Variants in BCAS3 observed in about 807,000 individuals in gnomAD.
The protein encoded by BCAS3 is BCAS4/BCAS3 fusion.
In BCAS3, 53 loss-of-function variants were observed where a neutral mutation model predicts 116.1. That is an observed-to-expected ratio of 0.46 (90% CI 0.37 to 0.57). The LOEUF (loss-of-function observed/expected upper bound fraction) is 0.57. Among genes scored for constraint, BCAS3 ranks in the 20% least tolerant of loss-of-function variants. The probability of loss-of-function intolerance (pLI) is 0.00; values close to 1 mark genes in which losing one functional copy is unlikely to be tolerated. For synonymous variants in BCAS3, 391 were observed against 408.2 expected, an observed-to-expected ratio of 0.96 and a Z score of 0.51; for missense variants, 917 against 1,165.4, an observed-to-expected ratio of 0.79 and a Z score of 3.10.
chr17:60,922,222 G>A (rs925778568), intron 12 of BCAS3, among the ~76,000 whole-genome samples: 12 of 152,110 alleles, frequency 7.9e-5, no homozygotes, highest in Admixed American at 2.6e-4. Flanking sequence ...CGCCTCCTGG[G>A]TTCAAGCAAT....
chr17:61,367,407 T>C lies in BCAS3; in HGVS notation c.2426-920T>C, dbSNP rs2058800731. The C allele has an allele frequency of 6.6e-6, 1 of 152,532 alleles. No individual in the cohort carries two copies. The highest frequency in any genetic ancestry group is 1.5e-5 in the Non-Finnish European group (1 of 68,044). 9.4% of individuals were successfully genotyped at this position (152,532 alleles called of 1,614,324 possible). A position where few individuals can be genotyped will look rare whatever the true frequency, so the allele number is the denominator to read the frequency against. ...AGTAGAATAATTCAAGTTCGGACTTTGAAGTGATCTCACATGTAAGATCTA... is the reference window on the plus strand; with the variant it reads ...AGTAGAATAATTCAAGTTCGGACTTCGAAGTGATCTCACATGTAAGATCTA... On this transcript the variant is annotated intron_variant, in intron 22 of 23. Transcript: ENST00000407086. The surrounding 1 kb of genome is among the most constrained non-coding windows in gnomAD (Gnocchi z 6.2).
chr17:61,099,079 G>T (rs368492802), intron 22 of BCAS3, among the ~76,000 whole-genome samples: 1 of 152,038 alleles, frequency 6.6e-6, no homozygotes, highest in Non-Finnish European at 1.5e-5. Context: ...AGCTGAGATC[G>T]CACCATTGCA....
chr17:60,812,220 C>A (rs1260322754), intron 7 of BCAS3, among the ~76,000 whole-genome samples: 1 of 152,162 alleles, frequency 6.6e-6, no homozygotes, highest in Non-Finnish European at 1.5e-5. Flanking sequence ...GAATACTTTT[C>A]TCTCTTAAAT....
At chr17:60,949,174 C>A in intron 14 of BCAS3, among the ~76,000 whole-genome samples, 1 of 152,128 alleles carries the variant, frequency 6.6e-6, no homozygotes, top group Non-Finnish European at 1.5e-5. Flanking sequence ...CGCGCCCAGC[C>A]TCACGGAAAT....
intron 12 of BCAS3, among the ~76,000 whole-genome samples, chr17:60,915,400 A>G (rs904321444): frequency 6.6e-6 from 1 of 152,074 alleles, no homozygotes; most frequent in African/African-American, 2.4e-5. Context: ...ATTTTATCCC[A>G]TGTATACATT....
intron 3 of BCAS3, among the ~76,000 whole-genome samples, chr17:60,686,324 A>G (rs1435339285): frequency 6.6e-6 from 1 of 152,066 alleles, no homozygotes; most frequent in Non-Finnish European, 1.5e-5. Flanking sequence ...CTCCTGCTCT[A>G]TTCTGGGAAT....
intron 20 of BCAS3, among the ~76,000 whole-genome samples, chr17:61,076,133 AT>A (rs1386393073): frequency 6.6e-6 from 1 of 152,182 alleles, no homozygotes; most frequent in Admixed American, 6.5e-5. Context: ...GAAATAAAAG[AT>A]ACTTGGGCAG....
chr17:61,083,641 G>A lies in BCAS3; in HGVS notation c.2328-826G>A, dbSNP rs1351599703. ...GACGGAGTCTTGCTCTGTCACCCAGGCTGGAGTGCAGTGGCACGATCTTGG... is the reference window on the plus strand; with the variant it reads ...GACGGAGTCTTGCTCTGTCACCCAGACTGGAGTGCAGTGGCACGATCTTGG... On this transcript the variant is annotated intron_variant, in intron 21 of 23. Transcript: ENST00000407086. This position sits in a 1 kb window ranked among gnomAD's most constrained non-coding sequence, Gnocchi z 4.9. Among the ~76,000 whole-genome samples the A allele has an allele frequency of 6.7e-6, 1 of 150,322 alleles. No homozygotes were observed. Among genetic ancestry groups the A allele is most frequent in the Non-Finnish European group, 1.5e-5 (1 of 67,756 alleles).
chr17:60,681,430 G>A (rs2033089696), intron 2 of BCAS3, among the ~76,000 whole-genome samples: 2 of 151,840 alleles, frequency 1.3e-5, no homozygotes, highest in Admixed American at 1.3e-4. Context: ...AACCCGGGAG[G>A]CGGAGGTTGC....
chr17:60,992,189 T>TACAC (rs576760115), intron 15 of BCAS3, among the ~76,000 whole-genome samples: 5,914 of 130,650 alleles, frequency 0.045, 149 homozygotes, highest in Non-Finnish European at 0.051. Context: ...TCCGATGACT[T>TACAC]ACACACACAC....
intron 16 of BCAS3, among the ~76,000 whole-genome samples, chr17:61,024,632 A>C (rs942936678): frequency 6.7e-6 from 1 of 148,676 alleles, no homozygotes; most frequent in Non-Finnish European, 1.5e-5. Flanking sequence ...CTGCCTGGAA[A>C]GGAAAATCTC....
chr17:61,014,325 C>G (rs1249386718), intron 15 of BCAS3, among the ~76,000 whole-genome samples: 1 of 151,978 alleles, frequency 6.6e-6, no homozygotes, highest in African/African-American at 2.4e-5. Flanking sequence ...ATAAGACTCA[C>G]TAGAAAACTA....
At chr17:61,058,089 T>A (rs2069576485) in intron 19 of BCAS3, among the ~76,000 whole-genome samples, 1 of 152,200 alleles carries the variant, frequency 6.6e-6, no homozygotes, top group Non-Finnish European at 1.5e-5. Context: ...TAAGCTCTTA[T>A]CATTACTGAG....
intron 9 of BCAS3, among the ~76,000 whole-genome samples, chr17:60,885,843 G>T (rs1453583335): frequency 4.1e-5 from 6 of 145,006 alleles, no homozygotes; most frequent in Admixed American, 1.3e-4. Flanking sequence ...TCCCTTTGAG[G>T]GTAACCCGAC....
At chr17:60,838,028 C>T (rs1036188101) in intron 7 of BCAS3, among the ~76,000 whole-genome samples, 1 of 151,800 alleles carries the variant, frequency 6.6e-6, no homozygotes, top group African/African-American at 2.4e-5. Flanking sequence ...TTATTTTTCC[C>T]ATGAAGGAAG....
In BCAS3 at chr17:60,956,800, A is replaced by T. The variant is rs1451168615; in HGVS notation, c.1221+9448A>T. Among the ~76,000 whole-genome samples the T allele has an allele frequency of 6.6e-6, 1 of 152,206 alleles. No individual in the cohort carries two copies. The highest frequency in any genetic ancestry group is 1.5e-5 in the Non-Finnish European group (1 of 68,032). On this transcript the variant is annotated intron_variant, in intron 14 of 23. Transcript: ENST00000407086. This position sits in a 1 kb window ranked among gnomAD's most constrained non-coding sequence, Gnocchi z 4.2. ...CCTCAGTGACCACAAAATTAATTTT[A>T]TAAGGTTCTACAGAAAATTATTTTG...
At chr17:60,949,614 T>G (rs2060723290) in intron 14 of BCAS3, among the ~76,000 whole-genome samples, 1 of 152,174 alleles carries the variant, frequency 6.6e-6, no homozygotes, top group African/African-American at 2.4e-5. Context: ...TTGTACCTAT[T>G]TGTGGGGTAC....
chr17:61,351,360 T>C (rs905107163), intron 22 of BCAS3, among the ~76,000 whole-genome samples: 7 of 152,236 alleles, frequency 4.6e-5, no homozygotes, highest in African/African-American at 1.7e-4. Context: ...CATCTCAAAG[T>C]ACCTGGTGTA....
At position 61,220,034 on chromosome 17, in the gene BCAS3, G is replaced by A. The variant is rs771285252; in HGVS notation, c.2425+135470G>A. 7.2e-5 allele frequency among the ~76,000 whole-genome samples: 11 copies of A among 152,146 alleles called. No individual in the cohort carries two copies. Among genetic ancestry groups the A allele is most frequent in the Non-Finnish European group, 1.5e-4 (10 of 68,034 alleles). ...TTTTCGGCCGGGCGCGGTGGCTCAC[G>A]CCTGTAATCCCAGCACTTTGGGAGG... On this transcript the variant is annotated intron_variant, in intron 22 of 23. Transcript: ENST00000407086. This position sits in a 1 kb window ranked among gnomAD's most constrained non-coding sequence, Gnocchi z 4.5.
Sources: allele counts gnomAD v4.1 joint callset (sites outside exome capture counted in the v4.1 genomes callset), GRCh38; gene constraint gnomAD v4.1.1; non-coding constraint Gnocchi (gnomAD v3.1); transcripts MANE v1.5; gene names NCBI Gene and HGNC (gene_info 2026-07-23, HGNC 2026-07-21).